CCDC60: variants seen among roughly 807,000 people sequenced by gnomAD.
CCDC60 encodes coiled-coil domain containing 60.
A neutral mutation model predicts 63.5 loss-of-function variants in CCDC60; 54 were observed. The observed-to-expected ratio is 0.85, with a 90% CI of 0.68 to 1.07. The LOEUF (loss-of-function observed/expected upper bound fraction) is 1.07. CCDC60 is among the 50% of genes least tolerant of loss of function. The probability of loss-of-function intolerance (pLI) is 0.00; values close to 1 mark genes in which losing one functional copy is unlikely to be tolerated. For synonymous variants in CCDC60, 206 were observed against 238.8 expected (o/e 0.86, Z 1.27); for missense variants, 651 against 684.3 (o/e 0.95, Z 0.54).
chr12:119,517,864 T>A (rs1952395480), intron 8 of CCDC60, among the ~76,000 whole-genome samples: 1 of 152,174 alleles, frequency 6.6e-6, no homozygotes. Flanking sequence ...ACTTCTGACC[T>A]CTAAAAGCCC....
intron 2 of CCDC60, among the ~76,000 whole-genome samples, chr12:119,444,906 C>T (rs535246578): frequency 6.6e-6 from 1 of 152,180 alleles, no homozygotes; most frequent in South Asian, 2.1e-4. Context: ...TGCTGAAAAA[C>T]TTACAGGAAG....
chr12:119,386,841 C>A (rs1048330760), intron 1 of CCDC60, among the ~76,000 whole-genome samples: 1 of 152,124 alleles, frequency 6.6e-6, no homozygotes, highest in African/African-American at 2.4e-5. Flanking sequence ...TGCGAGGAAG[C>A]CTCTCTCCTT....
At chr12:119,428,576 A>G in intron 1 of CCDC60, 107 bp from the exon 2 acceptor site, 1 of 728,664 alleles carries the variant, frequency 1.4e-6, no homozygotes, top group South Asian at 1.7e-5. Context: ...GGACTCCTTA[A>G]ACCTAGCCAT....
At chr12:119,423,854 TTAAAA>T (rs1956856554) in intron 1 of CCDC60, among the ~76,000 whole-genome samples, 1 of 152,224 alleles carries the variant, frequency 6.6e-6, no homozygotes, top group African/African-American at 2.4e-5. Context: ...ATCCAGTATG[TTAAAA>T]TAAACTATTA....
At chr12:119,398,101 G>A (rs190549568) in intron 1 of CCDC60, among the ~76,000 whole-genome samples, 9,502 of 111,404 alleles carry the variant, frequency 0.085, 705 homozygotes, top group South Asian at 0.24. Flanking sequence ...GGAAGGGGGC[G>A]GTGTGGGGGG....
chr12:119,361,702 A>G (rs778351322), intron 1 of CCDC60, among the ~76,000 whole-genome samples: 3 of 152,242 alleles, frequency 2.0e-5, no homozygotes, highest in Non-Finnish European at 4.4e-5. Context: ...AGGCAGCCCA[A>G]CTGTTGACAA....
intron 7 of CCDC60, among the ~76,000 whole-genome samples, chr12:119,510,404 C>T (rs752329352): frequency 2.0e-5 from 3 of 152,172 alleles, no homozygotes; most frequent in Non-Finnish European, 2.9e-5. Flanking sequence ...TGGACTCCTG[C>T]TGAACCTTCA....
chr12:119,415,918 TC>T (rs1439837960), intron 1 of CCDC60, among the ~76,000 whole-genome samples: 1 of 152,162 alleles, frequency 6.6e-6, no homozygotes, highest in Non-Finnish European at 1.5e-5. Context: ...AGTTTGCTGA[TC>T]CCTGGATTAG....
chr12:119,528,704 T>C lies in CCDC60; in HGVS notation c.1319T>C (p.Ile440Thr). 6.2e-7 allele frequency: 1 copy of C among 1,614,090 alleles called. No homozygotes were observed. Among genetic ancestry groups the C allele is most frequent in the Non-Finnish European group, 8.5e-7 (1 of 1,179,972 alleles). ...GACATAGCAAAAATGAGACATCACA[T>C]ATCTGTAGTAAAAGGAGATGCAGAA... ...QKDIAKMRHH[I>T]SVVKGDAEEI... The change falls in exon 12 of 14, where the codon ATA (isoleucine) becomes ACA (threonine). Residue 440 changes from isoleucine (I) to threonine (T), a missense_variant. Physicochemically the swap from Ile to Thr is moderately conservative, Grantham distance 89 (BLOSUM62 -1). Transcript: ENST00000327554.
chr12:119,422,123 G>A (rs1449191848), intron 1 of CCDC60, among the ~76,000 whole-genome samples: 1 of 152,120 alleles, frequency 6.6e-6, no homozygotes, highest in East Asian at 1.9e-4. Context: ...AGGTGGGCAG[G>A]GCAGAGACTT....
chr12:119,352,067 T>A (rs920881367), intron 1 of CCDC60, among the ~76,000 whole-genome samples: 1 of 152,152 alleles, frequency 6.6e-6, no homozygotes, highest in African/African-American at 2.4e-5. Flanking sequence ...TCAGGAAACT[T>A]ACAATCATGG....
At chr12:119,532,500 C>A (rs915882372) in intron 13 of CCDC60, among the ~76,000 whole-genome samples, 2 of 151,248 alleles carry the variant, frequency 1.3e-5, no homozygotes, top group African/African-American at 4.9e-5. Context: ...ATACATGTGT[C>A]ATGGTGGTTT....
intron 2 of CCDC60, among the ~76,000 whole-genome samples, chr12:119,465,208 G>A (rs896699482): frequency 5.3e-5 from 8 of 152,144 alleles, no homozygotes; most frequent in African/African-American, 1.9e-4. Context: ...AGCTAGTCAG[G>A]AGGCTGAGGC....
rs994788899 is a variant in CCDC60, at chr12:119,420,496, G to A, written c.91-8187G>A. ...AAACATCACATGTTCTCACTTATTT[G>A]TGGGATCTACAAATCAAAACAATTG... is the stretch of plus-strand genomic sequence containing the variant. On this transcript the variant is annotated intron_variant, in intron 1 of 13. Coordinates refer to ENST00000327554, the MANE Select transcript of CCDC60 (RefSeq NM_178499.5). The surrounding 1 kb of genome is among the most constrained non-coding windows in gnomAD (Gnocchi z 4.1). Among the ~76,000 whole-genome samples the A allele has an allele frequency of 6.6e-6, 1 of 152,140 alleles. No homozygotes were observed. The highest frequency in any genetic ancestry group is 2.4e-5 in the African/African-American group (1 of 41,434).
At chr12:119,508,949 C>T (rs1013942572) in intron 7 of CCDC60, among the ~76,000 whole-genome samples, 1 of 152,062 alleles carries the variant, frequency 6.6e-6, no homozygotes, top group Non-Finnish European at 1.5e-5. Flanking sequence ...CTGGGGCAAA[C>T]TGAACACTGG....
At chr12:119,479,223 T>A in intron 4 of CCDC60, 22 bp downstream of exon 4, 1 of 1,543,218 alleles carries the variant, frequency 6.5e-7, no homozygotes. Context: ...CACCTCCAGC[T>A]CATTTGCTTT....
chr12:119,452,488 G>A (rs1950652492), intron 2 of CCDC60, among the ~76,000 whole-genome samples: 1 of 152,148 alleles, frequency 6.6e-6, no homozygotes, highest in Non-Finnish European at 1.5e-5. Flanking sequence ...GGGTACCTTT[G>A]CATTGATCAA....
intron 1 of CCDC60, among the ~76,000 whole-genome samples, chr12:119,398,391 C>T (rs918921170): frequency 1.3e-5 from 2 of 152,130 alleles, no homozygotes; most frequent in Admixed American, 6.5e-5. Flanking sequence ...GAGCATGGCA[C>T]GCAGACTCGG....
intron 1 of CCDC60, among the ~76,000 whole-genome samples, chr12:119,387,338 G>T (rs996906936): frequency 2.6e-5 from 4 of 152,162 alleles, no homozygotes; most frequent in Non-Finnish European, 5.9e-5. Flanking sequence ...GTCTTGCACG[G>T]TTTGAACAAA....
Sources: gnomAD v4.1 joint callset for allele counts (sites outside exome capture counted in the v4.1 genomes callset) on GRCh38, gnomAD v4.1.1 for gene constraint, Gnocchi (gnomAD v3.1) non-coding constraint, MANE v1.5 for transcripts, NCBI Gene and HGNC (gene_info 2026-07-23, HGNC 2026-07-21) for gene names.